PCCA: variants seen among roughly 807,000 people sequenced by gnomAD.
PCCA encodes propionyl-CoA carboxylase subunit alpha, also known as propionyl-CoA carboxylase alpha chain, mitochondrial.
PCCA carries 74 observed loss-of-function variants against 101.3 expected under a neutral mutation model. The ratio of observed to expected loss-of-function variants is 0.73; its 90% CI spans 0.61 to 0.89. The LOEUF is 0.89. PCCA is among the 40% of genes least tolerant of loss of function. PCCA has a pLI of 0.00. For missense variants in PCCA, 891 were observed against 907.0 expected (o/e 0.98, Z 0.23); for synonymous variants, 294 against 313.6 (o/e 0.94, Z 0.66).
intron 16 of PCCA, among the ~76,000 whole-genome samples, chr13:100,312,475 C>G (rs998250332): frequency 3.9e-5 from 6 of 152,188 alleles, no homozygotes; most frequent in African/African-American, 7.2e-5. Flanking sequence ...TGGGCACGCT[C>G]AAGCGTCTTT....
At chr13:100,378,387 A>G (rs2076045469) in intron 19 of PCCA, among the ~76,000 whole-genome samples, 1 of 152,138 alleles carries the variant, frequency 6.6e-6, no homozygotes, top group African/African-American at 2.4e-5. Flanking sequence ...AGATAGTTTG[A>G]CTATAATGTA....
intron 19 of PCCA, among the ~76,000 whole-genome samples, chr13:100,390,847 G>A (rs1379312139): frequency 1.3e-5 from 2 of 152,164 alleles, no homozygotes; most frequent in Non-Finnish European, 2.9e-5. Flanking sequence ...GCGGACAAGT[G>A]GAGTGAATGA....
At chr13:100,127,785 G>T (rs747718422) in intron 4 of PCCA, among the ~76,000 whole-genome samples, 1 of 152,102 alleles carries the variant, frequency 6.6e-6, no homozygotes, top group African/African-American at 2.4e-5. Context: ...CCAGCTTCTC[G>T]GGAGGCTGAG....
At chr13:100,374,831 G>C (rs577367018) in intron 19 of PCCA, among the ~76,000 whole-genome samples, 1 of 152,128 alleles carries the variant, frequency 6.6e-6, no homozygotes, top group Admixed American at 6.5e-5. Flanking sequence ...AGAAAATTTT[G>C]TAAGGACCTA....
intron 18 of PCCA, among the ~76,000 whole-genome samples, chr13:100,343,593 A>G (rs1207352998): frequency 2.0e-5 from 3 of 152,210 alleles, no homozygotes; most frequent in African/African-American, 7.2e-5. Flanking sequence ...CAAAAGAAAG[A>G]TCAGTGGTTG....
chr13:100,384,845 T>A (rs1229702313), intron 19 of PCCA, among the ~76,000 whole-genome samples: 2 of 152,132 alleles, frequency 1.3e-5, no homozygotes, highest in Non-Finnish European at 2.9e-5. Flanking sequence ...CCCTGAGCAT[T>A]TTAAAGAGAA....
At chr13:100,151,968 T>C (rs2053379861) in intron 4 of PCCA, among the ~76,000 whole-genome samples, 1 of 134,482 alleles carries the variant, frequency 7.4e-6, no homozygotes, top group Admixed American at 8.0e-5. Flanking sequence ...ATTGCTTGAA[T>C]ATTGTTTGTT....
chr13:100,446,570 T>C (rs1275278518), intron 20 of PCCA, among the ~76,000 whole-genome samples: 1 of 152,096 alleles, frequency 6.6e-6, no homozygotes, highest in Non-Finnish European at 1.5e-5. Flanking sequence ...AGTTGAGAGG[T>C]AGATGGATGA....
chr13:100,430,945 C>T (rs1341084559), intron 20 of PCCA, among the ~76,000 whole-genome samples: 4 of 152,210 alleles, frequency 2.6e-5, no homozygotes, highest in Non-Finnish European at 5.9e-5. Flanking sequence ...CCCCAAAAAC[C>T]CAATAAAGTA....
chr13:100,307,435 T>C (rs1478272530), intron 15 of PCCA, among the ~76,000 whole-genome samples, 175 bp downstream of exon 15: 1 of 152,198 alleles, frequency 6.6e-6, no homozygotes, highest in Non-Finnish European at 1.5e-5. Context: ...TTCAGCGTTA[T>C]GTTAGTTTGT....
At chr13:100,524,983 G>GGATGGATGGATGGATA (rs1555330339) in intron 22 of PCCA, among the ~76,000 whole-genome samples, 270 of 137,268 alleles carry the variant, frequency 2.0e-3, no homozygotes, top group African/African-American at 5.5e-3. Flanking sequence ...TCTCTAAGAT[G>GGATGGATGGATGGATA]GATAGATAGA....
rs545877901 is a variant in PCCA, at chr13:100,328,160, C to T, written c.1430-2401C>T. On this transcript the variant is annotated intron_variant, in intron 16 of 23. Coordinates refer to ENST00000376285, the MANE Select transcript of PCCA (RefSeq NM_000282.4). ...CGGGCAGATCACGAGGTCAGGAGATCGAGACCAACCTGGCCAACATGATGA... is the reference window on the plus strand; with the variant it reads ...CGGGCAGATCACGAGGTCAGGAGATTGAGACCAACCTGGCCAACATGATGA... Among the ~76,000 whole-genome samples the T allele has an allele frequency of 6.4e-4, 97 of 152,078 alleles. 1 individual carries two copies. The highest frequency in any genetic ancestry group is 2.1e-3 in the African/African-American group (89 of 41,498).
chr13:100,151,421 A>C (rs748886776), intron 4 of PCCA, among the ~76,000 whole-genome samples: 8 of 152,092 alleles, frequency 5.3e-5, no homozygotes. Flanking sequence ...GAGAAACCCT[A>C]TCTCTACTAA....
chr13:100,469,506 C>T (rs957771270), intron 21 of PCCA, among the ~76,000 whole-genome samples: 44 of 152,058 alleles, frequency 2.9e-4, no homozygotes, highest in African/African-American at 1.0e-3. Context: ...TGGCCGGGCA[C>T]GGTGGCTCAT....
intron 21 of PCCA, among the ~76,000 whole-genome samples, chr13:100,512,164 A>G (rs1389652593): frequency 6.6e-6 from 1 of 152,162 alleles, no homozygotes; most frequent in Admixed American, 6.5e-5. Flanking sequence ...TTTAAAAACA[A>G]TCCCACTGGT....
intron 4 of PCCA, among the ~76,000 whole-genome samples, chr13:100,138,863 C>G (rs2051495876): frequency 7.2e-6 from 1 of 138,090 alleles, no homozygotes; most frequent in African/African-American, 2.8e-5. Flanking sequence ...TGAACCAGGA[C>G]AGTAGAGGTT....
intron 6 of PCCA, among the ~76,000 whole-genome samples, chr13:100,206,043 A>G (rs571817757): frequency 6.2e-4 from 94 of 152,210 alleles, no homozygotes; most frequent in African/African-American, 2.2e-3. Flanking sequence ...TGTGCTTTAC[A>G]TTTTTGGGGA....
intron 1 of PCCA, among the ~76,000 whole-genome samples, chr13:100,102,200 G>T (rs1456107735): frequency 6.6e-6 from 1 of 151,836 alleles, no homozygotes; most frequent in Non-Finnish European, 1.5e-5. Flanking sequence ...GAGTACAGTG[G>T]TGTGATCTTG....
intron 19 of PCCA, among the ~76,000 whole-genome samples, chr13:100,413,944 A>G (rs758845892): frequency 9.2e-5 from 14 of 152,226 alleles, no homozygotes; most frequent in Admixed American, 4.6e-4. Context: ...AACTACTACT[A>G]TAATTAAACT....
Sources: allele counts gnomAD v4.1 joint callset (sites outside exome capture counted in the v4.1 genomes callset), GRCh38; gene constraint gnomAD v4.1.1; transcripts MANE v1.5; gene names NCBI Gene and HGNC (gene_info 2026-07-23, HGNC 2026-07-21).